Variants in CNTNAP5 observed in about 807,000 individuals in gnomAD.
CNTNAP5 encodes contactin-associated protein-like 5.
CNTNAP5 carries 72 observed loss-of-function variants against 150.2 expected under a neutral mutation model. The observed-to-expected ratio is 0.48, with a 90% CI of 0.40 to 0.58. The LOEUF (loss-of-function observed/expected upper bound fraction) is 0.58. Among genes scored for constraint, CNTNAP5 ranks in the 20% least tolerant of loss-of-function variants. CNTNAP5 has a pLI of 0.00. For synonymous variants in CNTNAP5, 672 were observed against 619.8 expected, an observed-to-expected ratio of 1.08 and a Z score of -1.25; for missense variants, 1,636 against 1,626.2, an observed-to-expected ratio of 1.01 and a Z score of -0.10.
At chr2:124,643,404 C>T (rs1363153350) in intron 12 of CNTNAP5, among the ~76,000 whole-genome samples, 1 of 151,628 alleles carries the variant, frequency 6.6e-6, no homozygotes, top group Non-Finnish European at 1.5e-5. Flanking sequence ...TCCATGAGTA[C>T]TAAAGAGCAA....
At chr2:124,343,029 C>G (rs1474060261) in intron 3 of CNTNAP5, among the ~76,000 whole-genome samples, 8 of 152,052 alleles carry the variant, frequency 5.3e-5, no homozygotes, top group Non-Finnish European at 1.2e-4. Flanking sequence ...AGAAACAACA[C>G]CTTAGGATTA....
intron 19 of CNTNAP5, among the ~76,000 whole-genome samples, chr2:124,807,664 C>T (rs1682108932): frequency 6.6e-6 from 1 of 152,160 alleles, no homozygotes; most frequent in Non-Finnish European, 1.5e-5. Flanking sequence ...AACTTATAAA[C>T]TCTTCTGCTT....
intron 19 of CNTNAP5, among the ~76,000 whole-genome samples, chr2:124,828,794 G>A (rs1463884301): frequency 2.4e-5 from 2 of 83,540 alleles, no homozygotes; most frequent in Admixed American, 2.9e-4. Flanking sequence ...AATCATTAAA[G>A]TAAGTTTTGT....
chr2:124,829,687 G>T (rs947735266), intron 19 of CNTNAP5, among the ~76,000 whole-genome samples: 5 of 150,936 alleles, frequency 3.3e-5, no homozygotes, highest in Admixed American at 6.6e-5. Context: ...TTCCTTTTTA[G>T]TATCCATATT....
intron 1 of CNTNAP5, among the ~76,000 whole-genome samples, chr2:124,098,403 C>A (rs534972181): frequency 6.6e-6 from 1 of 152,250 alleles, no homozygotes; most frequent in African/African-American, 2.4e-5. Flanking sequence ...TAGATCCATG[C>A]AGTTCTGACC....
chr2:124,200,580 G>A (rs185695923), intron 1 of CNTNAP5, among the ~76,000 whole-genome samples: 1 of 151,946 alleles, frequency 6.6e-6, no homozygotes, highest in African/African-American at 2.4e-5. Context: ...ATTTTTAAAT[G>A]CACAATACAG....
chr2:124,490,005 A>G lies in CNTNAP5; in HGVS notation c.1063-14287A>G, dbSNP rs75118244. On this transcript the variant is annotated intron_variant, in intron 7 of 23. Coordinates refer to ENST00000682447, the MANE Select transcript of CNTNAP5 (RefSeq NM_001367498.1). ...AGCACATTCTTGCCTCAAACAAATC[A>G]TTATTTCACTACCAAGAAATGGAGG... is the stretch of plus-strand genomic sequence containing the variant. Among the ~76,000 whole-genome samples, 583 of 152,220 alleles carry G rather than the reference A, an allele frequency of 3.8e-3. 2 individuals are homozygous for G. The highest frequency in any genetic ancestry group is 0.013 in the African/African-American group (548 of 41,544).
chr2:124,497,416 A>G (rs1694175804), intron 7 of CNTNAP5, among the ~76,000 whole-genome samples: 1 of 152,338 alleles, frequency 6.6e-6, no homozygotes, highest in East Asian at 1.9e-4. Context: ...GTAATTCAGT[A>G]AAAGTCTTGA....
At chr2:124,908,512 C>T (rs1678587406) in intron 22 of CNTNAP5, among the ~76,000 whole-genome samples, 1 of 152,114 alleles carries the variant, frequency 6.6e-6, no homozygotes, top group Non-Finnish European at 1.5e-5. Context: ...GACAGTGGTC[C>T]TATAAGACTA....
intron 22 of CNTNAP5, among the ~76,000 whole-genome samples, chr2:124,909,882 T>G (rs1445560789): frequency 6.8e-6 from 1 of 146,996 alleles, no homozygotes; most frequent in Non-Finnish European, 1.5e-5. Flanking sequence ...TATGTATGCA[T>G]GTATGTAGGT....
At chr2:124,885,019 C>A (rs1184804907) in intron 21 of CNTNAP5, among the ~76,000 whole-genome samples, 1 of 151,994 alleles carries the variant, frequency 6.6e-6, no homozygotes, top group African/African-American at 2.4e-5. Flanking sequence ...CAGGGTTCAA[C>A]CAATGGAGCA....
intron 14 of CNTNAP5, among the ~76,000 whole-genome samples, chr2:124,751,589 C>A (rs1034871024): frequency 6.6e-6 from 1 of 152,234 alleles, no homozygotes; most frequent in Admixed American, 6.5e-5. Context: ...ATACATGCAA[C>A]TTATTTCTTG....
At chr2:124,435,367 G>T (rs1427917019) in intron 5 of CNTNAP5, among the ~76,000 whole-genome samples, 1 of 152,106 alleles carries the variant, frequency 6.6e-6, no homozygotes, top group Non-Finnish European at 1.5e-5. Flanking sequence ...CCCAGAGAAG[G>T]AGGAGAGAGG....
intron 3 of CNTNAP5, among the ~76,000 whole-genome samples, chr2:124,351,144 G>A (rs1689868019): frequency 6.6e-6 from 1 of 152,174 alleles, no homozygotes; most frequent in Non-Finnish European, 1.5e-5. Flanking sequence ...ATTCTTTTGG[G>A]GAACTGGGAG....
intron 5 of CNTNAP5, among the ~76,000 whole-genome samples, chr2:124,442,667 T>C (rs922180852): frequency 6.6e-6 from 1 of 152,060 alleles, no homozygotes; most frequent in Non-Finnish European, 1.5e-5. Context: ...AGGAAAATGA[T>C]AGATTTGTTC....
At chr2:124,352,444 G>C (rs1231494318) in intron 3 of CNTNAP5, among the ~76,000 whole-genome samples, 1 of 152,094 alleles carries the variant, frequency 6.6e-6, no homozygotes, top group African/African-American at 2.4e-5. Context: ...GTGAGTGTTG[G>C]GCCATCCTGT....
intron 12 of CNTNAP5, among the ~76,000 whole-genome samples, chr2:124,643,663 G>T (rs1678141331): frequency 6.6e-6 from 1 of 152,150 alleles, no homozygotes; most frequent in Non-Finnish European, 1.5e-5. Flanking sequence ...AACTTCTAAT[G>T]CTTAGAGTCT....
At chr2:124,043,060 A>C (rs1272048895) in intron 1 of CNTNAP5, among the ~76,000 whole-genome samples, 1 of 152,190 alleles carries the variant, frequency 6.6e-6, no homozygotes, top group South Asian at 2.1e-4. Flanking sequence ...AATAGTCTTT[A>C]ATTTGTCTTT....
At chr2:124,862,869 A>T (rs1042690652) in intron 19 of CNTNAP5, among the ~76,000 whole-genome samples, 7 of 152,170 alleles carry the variant, frequency 4.6e-5, no homozygotes, top group Non-Finnish European at 7.3e-5. Context: ...ATACTTTAAG[A>T]GGCACTGATT....
Sources: gnomAD v4.1 joint callset for allele counts (sites outside exome capture counted in the v4.1 genomes callset) on GRCh38, gnomAD v4.1.1 for gene constraint, MANE v1.5 for transcripts, NCBI Gene and HGNC (gene_info 2026-07-23, HGNC 2026-07-21) for gene names.